The following RBFOX1 variants were observed in gnomAD, a reference collection of about 807,000 sequenced individuals.
RBFOX1 encodes the protein RNA binding fox-1 homolog 1.
Under a neutral mutation model 57.7 loss-of-function variants are expected in RBFOX1, and 8 were observed. That is an observed-to-expected ratio of 0.14 (90% CI 0.08 to 0.25). The LOEUF is 0.25. Among genes scored for constraint, RBFOX1 ranks in the 10% least tolerant of loss-of-function variants. The probability of loss-of-function intolerance (pLI) is 1.00; values close to 1 mark genes in which losing one functional copy is unlikely to be tolerated. For synonymous variants in RBFOX1, 326 were observed against 222.4 expected (o/e 1.47, Z -4.15); for missense variants, 611 against 548.5 (o/e 1.11, Z -1.14).
intron 3 of RBFOX1, among the ~76,000 whole-genome samples, chr16:5,705,850 G>A (rs576131951): frequency 5.3e-5 from 8 of 152,288 alleles, no homozygotes; most frequent in Non-Finnish European, 7.3e-5. Flanking sequence ...ACAGTTCAGT[G>A]GAAACAAAAT....
chr16:6,762,584 C>T (rs1054466231), intron 3 of RBFOX1, among the ~76,000 whole-genome samples: 34 of 152,048 alleles, frequency 2.2e-4, no homozygotes, highest in African/African-American at 7.2e-4. Flanking sequence ...ATTTAATTCT[C>T]CTCAAGAATC....
At chr16:7,698,734 T>C (rs1299723894) in intron 14 of RBFOX1, among the ~76,000 whole-genome samples, 1 of 152,118 alleles carries the variant, frequency 6.6e-6, no homozygotes, top group Admixed American at 6.5e-5. Context: ...TAAAGTGTGA[T>C]ATGTATTATA....
At chr16:6,388,471 CTTA>C (rs921268818) in intron 2 of RBFOX1, among the ~76,000 whole-genome samples, 35 of 152,048 alleles carry the variant, frequency 2.3e-4, no homozygotes, top group African/African-American at 8.4e-4. Flanking sequence ...TTTATTTTTA[CTTA>C]TTATTTATTA....
intron 3 of RBFOX1, among the ~76,000 whole-genome samples, chr16:5,668,985 C>A (rs1054723505): frequency 1.3e-5 from 2 of 152,180 alleles, no homozygotes; most frequent in Non-Finnish European, 2.9e-5. Flanking sequence ...TGATACATTA[C>A]AGAATTTAAA....
At chr16:6,347,303 C>T (rs1268843748) in intron 2 of RBFOX1, among the ~76,000 whole-genome samples, 1 of 152,190 alleles carries the variant, frequency 6.6e-6, no homozygotes. Flanking sequence ...CCATCATCAT[C>T]ATTGTCTCTC....
chr16:6,027,748 C>A (rs1387378464), intron 1 of RBFOX1, among the ~76,000 whole-genome samples: 2 of 152,084 alleles, frequency 1.3e-5, no homozygotes, highest in Non-Finnish European at 2.9e-5. Flanking sequence ...TTCACAATCC[C>A]TTTGGGCAGC....
intron 2 of RBFOX1, among the ~76,000 whole-genome samples, chr16:6,614,809 A>G (rs1196919264): frequency 6.6e-6 from 1 of 152,176 alleles, no homozygotes; most frequent in African/African-American, 2.4e-5. Context: ...ATATTGACCT[A>G]GGGACTCACC....
At chr16:7,015,686 G>T (rs1188390124) in intron 3 of RBFOX1, among the ~76,000 whole-genome samples, 1 of 151,998 alleles carries the variant, frequency 6.6e-6, no homozygotes, top group African/African-American at 2.4e-5. Flanking sequence ...ATTTTTTTAT[G>T]ACTAGCGGTC....
At chr16:6,074,943 A>G (rs893942138) in intron 1 of RBFOX1, among the ~76,000 whole-genome samples, 6 of 152,010 alleles carry the variant, frequency 3.9e-5, no homozygotes, top group African/African-American at 1.5e-4. Flanking sequence ...TCTAAAAAAG[A>G]TAATTAAAAA....
At chr16:6,454,187 G>A (rs956847103) in intron 2 of RBFOX1, among the ~76,000 whole-genome samples, 9 of 152,156 alleles carry the variant, frequency 5.9e-5, no homozygotes, top group African/African-American at 1.9e-4. Context: ...ACATTCTGAT[G>A]TACAGGGGGT....
chr16:6,046,250 G>A (rs1057105134), intron 1 of RBFOX1, among the ~76,000 whole-genome samples: 1 of 152,204 alleles, frequency 6.6e-6, no homozygotes, highest in African/African-American at 2.4e-5. Flanking sequence ...TAGAAAAGTG[G>A]CAGTAGGAAT....
chr16:6,576,467 G>A (rs2097438312), intron 2 of RBFOX1, among the ~76,000 whole-genome samples: 1 of 152,112 alleles, frequency 6.6e-6, no homozygotes, highest in Non-Finnish European at 1.5e-5. Flanking sequence ...AATATTATTC[G>A]AAGACCTGCT....
chr16:7,138,810 A>G (rs945587781), intron 4 of RBFOX1, among the ~76,000 whole-genome samples: 1 of 151,864 alleles, frequency 6.6e-6, no homozygotes, highest in African/African-American at 2.4e-5. Context: ...TGCTGGATAA[A>G]CTCAGACTTT....
chr16:6,244,474 T>C (rs1209017999), intron 1 of RBFOX1, among the ~76,000 whole-genome samples: 1 of 152,176 alleles, frequency 6.6e-6, no homozygotes, highest in Admixed American at 6.5e-5. Flanking sequence ...CAGTTGGGTA[T>C]CCAAGTTTGG....
At chr16:7,153,871 G>A (rs1320731571) in intron 4 of RBFOX1, among the ~76,000 whole-genome samples, 2 of 152,162 alleles carry the variant, frequency 1.3e-5, no homozygotes, top group African/African-American at 2.4e-5. Context: ...CTTGATACCA[G>A]GCAGGAAAGA....
At chr16:5,672,805 A>C (rs368747394) in intron 3 of RBFOX1, among the ~76,000 whole-genome samples, 1 of 152,196 alleles carries the variant, frequency 6.6e-6, no homozygotes, top group South Asian at 2.1e-4. Context: ...TGATGGTCCT[A>C]CCTAGACCAG....
chr16:7,636,801 C>G (rs1322221299), intron 11 of RBFOX1, among the ~76,000 whole-genome samples: 2 of 151,850 alleles, frequency 1.3e-5, no homozygotes, highest in Non-Finnish European at 2.9e-5. Flanking sequence ...AGATGGCCAC[C>G]TTCTCCCATG....
intron 3 of RBFOX1, among the ~76,000 whole-genome samples, chr16:5,641,256 G>C (rs149995627): frequency 6.6e-6 from 1 of 152,296 alleles, no homozygotes; most frequent in East Asian, 1.9e-4. Flanking sequence ...CTGAGTACCA[G>C]TTATTAAATA....
chr16:5,432,371 G>T (rs1359415547), intron 1 of RBFOX1, among the ~76,000 whole-genome samples: 1 of 152,122 alleles, frequency 6.6e-6, no homozygotes, highest in African/African-American at 2.4e-5. Flanking sequence ...TGAAGCTCTC[G>T]ACTGCTCCGT....
Sources: allele counts gnomAD v4.1 joint callset (sites outside exome capture counted in the v4.1 genomes callset), GRCh38; gene constraint gnomAD v4.1.1; transcripts MANE v1.5; gene names NCBI Gene and HGNC (gene_info 2026-07-23, HGNC 2026-07-21).